PCDHGA4: variants seen among roughly 807,000 people sequenced by gnomAD.
PCDHGA4 encodes protocadherin gamma subfamily A, 4.
In PCDHGA4, 38 loss-of-function variants were observed where a neutral mutation model predicts 54.6. That is an observed-to-expected ratio of 0.70 (90% CI 0.54 to 0.91). PCDHGA4 has a LOEUF of 0.91. PCDHGA4 is among the 40% of genes least tolerant of loss of function. The pLI, the probability that PCDHGA4 is intolerant of heterozygous loss-of-function variation, is 0.00. For synonymous variants in PCDHGA4, 511 were observed against 512.9 expected (o/e 1.00, Z 0.05); for missense variants, 1,298 against 1,220.9 (o/e 1.06, Z -0.94).
chr5:141,421,194 C>G, intron 1 of PCDHGA4: 1 of 1,498,922 alleles, frequency 6.7e-7, no homozygotes, highest in South Asian at 1.3e-5. Context: ...CCAACCAGCT[C>G]GAGAAACCGC....
At chr5:141,419,392 C>A (rs1338481275) in intron 1 of PCDHGA4, 1 of 1,613,612 alleles carries the variant, frequency 6.2e-7, no homozygotes, top group Non-Finnish European at 8.5e-7. Flanking sequence ...GCGCGCAGAG[C>A]GGGGTGGTGT....
chr5:141,389,147 G>A (rs530113846), intron 1 of PCDHGA4: 2 of 1,613,986 alleles, frequency 1.2e-6, no homozygotes, highest in South Asian at 1.1e-5. Flanking sequence ...TAACCGTTAC[G>A]GCAACAGATC....
At chr5:141,379,679 T>C (rs561648427) in intron 1 of PCDHGA4, 1 of 152,142 alleles carries the variant, frequency 6.6e-6, no homozygotes, top group African/African-American at 2.4e-5. Flanking sequence ...CATTCACTCA[T>C]GTGGACTGAC....
chr5:141,362,112 G>A, intron 1 of PCDHGA4: 1 of 1,613,988 alleles, frequency 6.2e-7, no homozygotes, highest in Non-Finnish European at 8.5e-7. Flanking sequence ...CTACGGCCAC[G>A]CTGCACCTAA....
At position 141,466,670 on chromosome 5, in the gene PCDHGA4, G is replaced by C. The variant is rs994949602; in HGVS notation, c.2515-28137G>C. On this transcript the variant is annotated intron_variant, in intron 1 of 3. Transcript: ENST00000571252. ...TTCACAAAACATCAGTGATTTCACC[G>C]TTCTTCCACTCAAGCTTCATCATAA... Among the ~76,000 whole-genome samples, 3 of 152,046 alleles carry C rather than the reference G, an allele frequency of 2.0e-5. No homozygotes were observed. The South Asian group carries it at 6.2e-4, about 32-fold the overall frequency.
intron 1 of PCDHGA4, among the ~76,000 whole-genome samples, chr5:141,369,471 A>G (rs1182179165): frequency 6.6e-6 from 1 of 152,168 alleles, no homozygotes; most frequent in African/African-American, 2.4e-5. Context: ...GTTCTAGCCC[A>G]GCCTGGGCAA....
Position 141,485,616 on chromosome 5 carries a change from C to T in PCDHGA4, c.2515-9191C>T. On this transcript the variant is annotated intron_variant, in intron 1 of 3. Coordinates refer to ENST00000571252, the MANE Select transcript of PCDHGA4 (RefSeq NM_018917.4). This position sits in a 1 kb window ranked among gnomAD's most constrained non-coding sequence, Gnocchi z 5.7. ...TTGGAAATTGGGGAGGCAGCTCCTCCAGGACAGCGTTTCCCGTTGGAAAAG... is the reference window on the plus strand; with the variant it reads ...TTGGAAATTGGGGAGGCAGCTCCTCTAGGACAGCGTTTCCCGTTGGAAAAG... 1 of 1,612,210 alleles carries T rather than the reference C, an allele frequency of 6.2e-7. No individual in the cohort carries two copies.
intron 1 of PCDHGA4, among the ~76,000 whole-genome samples, chr5:141,433,680 A>G (rs570459317): frequency 1.3e-5 from 2 of 152,236 alleles, no homozygotes; most frequent in African/African-American, 4.8e-5. Context: ...TACTAAAAAA[A>G]TACAAAATTA....
In PCDHGA4 at chr5:141,394,544, G is replaced by A. The variant is rs759661980; in HGVS notation, c.2514+36923G>A. 2.5e-6 allele frequency: 4 copies of A among 1,614,054 alleles called. No individual in the cohort carries two copies. In the South Asian group the frequency reaches 3.3e-5, roughly 13 times the overall value. ...CAGACGGTTCCACTGGCGTGGAGCT[G>A]GCGCCCCGCTCCGCAGAGCGTGGCT... On this transcript the variant is annotated intron_variant, in intron 1 of 3. Coordinates refer to ENST00000571252, the MANE Select transcript of PCDHGA4 (RefSeq NM_018917.4).
At chr5:141,479,366 T>A (rs2099494042) in intron 1 of PCDHGA4, 1 of 152,302 alleles carries the variant, frequency 6.6e-6, no homozygotes, top group Non-Finnish European at 1.5e-5. Flanking sequence ...GTGCCTGAGG[T>A]GGGAGGATTG....
At chr5:141,422,198 A>G (rs2096632774) in intron 1 of PCDHGA4, 1 of 1,562,340 alleles carries the variant, frequency 6.4e-7, no homozygotes, top group Non-Finnish European at 8.6e-7. Flanking sequence ...CAAGGCCAAG[A>G]TGGTGGAGGT....
At chr5:141,506,241 G>C (rs2237081) in intron 3 of PCDHGA4, among the ~76,000 whole-genome samples, 78,081 of 151,504 alleles carry the variant, frequency 0.52, 20,775 homozygotes, top group African/African-American at 0.63. Context: ...ATGAGGTCAG[G>C]AGTTCGAAAC....
intron 1 of PCDHGA4, among the ~76,000 whole-genome samples, chr5:141,455,549 C>G (rs911113181): frequency 1.3e-5 from 2 of 152,042 alleles, no homozygotes; most frequent in Non-Finnish European, 2.9e-5. Flanking sequence ...TCACGTAGCC[C>G]GAGAAAAAGC....
intron 1 of PCDHGA4, among the ~76,000 whole-genome samples, chr5:141,443,131 A>G (rs1042010214): frequency 7.2e-5 from 11 of 152,144 alleles, no homozygotes; most frequent in Non-Finnish European, 1.6e-4. Context: ...GATTAAGAAC[A>G]CTATCATAAG....
At chr5:141,409,324 G>C (rs759596277) in intron 1 of PCDHGA4, 1 of 1,614,000 alleles carries the variant, frequency 6.2e-7, no homozygotes, top group East Asian at 2.2e-5. Context: ...CACGGGATCT[G>C]GATTTCGGAG....
chr5:141,433,379 CTAT>C (rs2097594474), intron 1 of PCDHGA4, among the ~76,000 whole-genome samples: 1 of 151,230 alleles, frequency 6.6e-6, no homozygotes, highest in Non-Finnish European at 1.5e-5. Context: ...ATCTATCTAT[CTAT>C]CTATCTATCT....
chr5:141,364,171 C>G (rs914010009), intron 1 of PCDHGA4: 73 of 786,522 alleles, frequency 9.3e-5, no homozygotes, highest in Admixed American at 2.2e-4. Context: ...CGACCCGACT[C>G]TGCTCCCTCC....
intron 3 of PCDHGA4, among the ~76,000 whole-genome samples, chr5:141,509,583 A>G (rs1008344833): frequency 7.2e-5 from 11 of 152,320 alleles, no homozygotes; most frequent in African/African-American, 2.4e-4. Flanking sequence ...CGTACAAATC[A>G]GCTGGCAATT....
chr5:141,489,625 A>G lies in PCDHGA4; in HGVS notation c.2515-5182A>G. ...GGTAGAGATCCTGGATCTCAATGAC[A>G]ACTCTCCTAGCTTTGCCACCCCTGA... On this transcript the variant is annotated intron_variant, in intron 1 of 3. Transcript: ENST00000571252. The surrounding 1 kb of genome is among the most constrained non-coding windows in gnomAD (Gnocchi z 4.5). 6.2e-7 allele frequency: 1 copy of G among 1,614,076 alleles called. No homozygotes were observed. The highest frequency in any genetic ancestry group is 8.5e-7 in the Non-Finnish European group (1 of 1,180,006).
Sources: allele counts gnomAD v4.1 joint callset (sites outside exome capture counted in the v4.1 genomes callset), GRCh38; gene constraint gnomAD v4.1.1; non-coding constraint Gnocchi (gnomAD v3.1); transcripts MANE v1.5; gene names NCBI Gene and HGNC (gene_info 2026-07-23, HGNC 2026-07-21).